Variants in MPC2 observed in about 807,000 individuals in gnomAD.
MPC2 encodes the protein mitochondrial pyruvate carrier 2.
Under a neutral mutation model 19.2 loss-of-function variants are expected in MPC2, and 19 were observed. The observed-to-expected ratio is 0.99, with a 90% confidence interval of 0.69 to 1.45. MPC2 has a LOEUF of 1.45. Among genes scored for constraint, MPC2 ranks in the 40% most tolerant of loss-of-function variants. The pLI is 0.00. For synonymous variants in MPC2, 61 were observed against 54.3 expected, an observed-to-expected ratio of 1.12 and a Z score of -0.54; for missense variants, 122 against 153.0, an observed-to-expected ratio of 0.80 and a Z score of 1.07.
At chr1:167,927,152 G>T (rs1670783553) in intron 2 of MPC2, among the ~76,000 whole-genome samples, 1 of 152,160 alleles carries the variant, frequency 6.6e-6, no homozygotes, top group Non-Finnish European at 1.5e-5. Context: ...ACCCAGATTT[G>T]CCTCGACACT....
Position 167,918,238 on chromosome 1 carries a change from G to T in MPC2, c.*85C>A. 1 of 1,111,396 alleles carries T rather than the reference G, an allele frequency of 9.0e-7. No individual in the cohort carries two copies. Among genetic ancestry groups the T allele is most frequent in the Non-Finnish European group, 1.3e-6 (1 of 766,752 alleles). 68.8% of individuals were successfully genotyped at this position (1,111,396 alleles called of 1,614,324 possible). ...ACAGTGCCTTCTAAACACACAGTTA[G>T]CTTTGCTTTATCAATAACCAAATAA... On this transcript the variant is annotated 3_prime_UTR_variant, in exon 6 of 6. Transcript: ENST00000271373.
chr1:167,918,315 G>A lies in MPC2; in HGVS notation c.*8C>T. The A allele has an allele frequency of 6.4e-7, 1 of 1,564,432 alleles. No individual in the cohort carries two copies. The highest frequency in any genetic ancestry group is 1.7e-5 in the Admixed American group (1 of 57,864). On this transcript the variant is annotated 3_prime_UTR_variant, in exon 6 of 6. Coordinates refer to ENST00000271373, the MANE Select transcript of MPC2 (RefSeq NM_001143674.4). ...ACATCTAGATTGTTCAGGTGATCAG[G>A]AACTCTTTTATTTGTGTGCTTTAGC...
chr1:167,933,567 T>C (rs556775116), intron 2 of MPC2, among the ~76,000 whole-genome samples: 66 of 152,364 alleles, frequency 4.3e-4, no homozygotes, highest in African/African-American at 1.1e-3. Context: ...ACTGTTAATA[T>C]TGTAGCATTT....
rs1345911882 is a variant in MPC2 at position 167,920,063 on chromosome 1, A to T, written c.263T>A (p.Val88Glu). ...CAGACTCCAATTTTTTGGAATAATTACAAGTGAGTATCTTGACCAAATAAA... is the reference window on the plus strand; with the variant it reads ...CAGACTCCAATTTTTTGGAATAATTTCAAGTGAGTATCTTGACCAAATAAA... ...TGFIWSRYSL[V>E]IIPKNWSLFA... The change falls in exon 5 of 6, where the codon GTA (valine) becomes GAA (glutamate). Residue 88 changes from valine to glutamate, a missense_variant. Physicochemically the swap from Val to Glu is moderately radical, Grantham distance 121. Transcript: ENST00000271373. 6.2e-7 allele frequency: 1 copy of T among 1,613,228 alleles called. No individual in the cohort carries two copies. Among genetic ancestry groups the T allele is most frequent in the Non-Finnish European group, 8.5e-7 (1 of 1,179,566 alleles).
In MPC2 at chr1:167,917,168, AATAG is replaced by A. The variant is rs1441655101; in HGVS notation, c.*1151_*1154del. 9 of 152,174 alleles carry A rather than the reference AATAG, an allele frequency of 5.9e-5. No homozygotes were observed. Among genetic ancestry groups the A allele is most frequent in the Admixed American group, 3.9e-4 (6 of 15,290 alleles). The allele number at this position is 152,174 out of a possible 1,614,324, so 9.4% of individuals were successfully genotyped here. On this transcript the variant is annotated 3_prime_UTR_variant, in exon 6 of 6. Coordinates refer to ENST00000271373, the MANE Select transcript of MPC2 (RefSeq NM_001143674.4). ...GCACTCCACACTGAAAGTCAAATCA[AATAG>A]ATAGTTAATTATTTGTAGCGTGGAG...
intron 5 of MPC2, 136 bp from the exon 6 acceptor site, chr1:167,918,495 G>A (rs572663249): frequency 1.6e-4 from 83 of 506,628 alleles, no homozygotes; most frequent in Middle Eastern, 1.1e-3. Flanking sequence ...GAATCTTCCC[G>A]GAGGGCTTAC....
chr1:167,929,531 A>G (rs896050862), intron 2 of MPC2, among the ~76,000 whole-genome samples: 17 of 152,236 alleles, frequency 1.1e-4, no homozygotes, highest in South Asian at 6.2e-4. Flanking sequence ...TGAATATCAT[A>G]AGCAAATAAT....
Position 167,920,029 on chromosome 1 carries a change from A to T in MPC2, c.297T>A (p.Val99=). ...IIPKNWSLFA[V]NFFVGAAGAS... ...CTCCTGCTGCCCCCACAAAGAAATT[A>T]ACAGCAAACAGACTCCAATTTTTTG... Residue 99 remains valine, a synonymous_variant, in exon 5 of 6, where the codon GTT becomes GTA. Transcript: ENST00000271373. 6.2e-7 allele frequency: 1 copy of T among 1,613,854 alleles called. No individual in the cohort carries two copies. Among genetic ancestry groups the T allele is most frequent in the Non-Finnish European group, 8.5e-7 (1 of 1,179,850 alleles).
At position 167,918,232 on chromosome 1, in the gene MPC2, C is replaced by G; in HGVS notation, c.*91G>C. ...CCAGTTACAGTGCCTTCTAAACACACAGTTAGCTTTGCTTTATCAATAACC... is the reference window on the plus strand; with the variant it reads ...CCAGTTACAGTGCCTTCTAAACACAGAGTTAGCTTTGCTTTATCAATAACC... On this transcript the variant is annotated 3_prime_UTR_variant, in exon 6 of 6. Coordinates refer to ENST00000271373, the MANE Select transcript of MPC2 (RefSeq NM_001143674.4). The G allele has an allele frequency of 9.6e-7, 1 of 1,043,176 alleles. No individual in the cohort carries two copies. Among genetic ancestry groups the G allele is most frequent in the Non-Finnish European group, 1.4e-6 (1 of 708,972 alleles). The allele number at this position is 1,043,176 out of a possible 1,614,324, so 64.6% of individuals were successfully genotyped here.
intron 2 of MPC2, among the ~76,000 whole-genome samples, chr1:167,932,031 A>G (rs1374741745): frequency 6.6e-6 from 1 of 152,212 alleles, no homozygotes; most frequent in Non-Finnish European, 1.5e-5. Flanking sequence ...AAGCACTGCA[A>G]CAAGTTTCAC....
intron 1 of MPC2, 54 bp downstream of exon 1, chr1:167,936,885 C>G (rs772847109): frequency 4.7e-6 from 7 of 1,495,362 alleles, no homozygotes; most frequent in Non-Finnish European, 3.7e-6. Flanking sequence ...GCGGTGGTCT[C>G]CCCTCCCACC....
chr1:167,925,460 T>TATATATATATATACATATAC (rs1262364267), intron 2 of MPC2, among the ~76,000 whole-genome samples: 1 of 115,276 alleles, frequency 8.7e-6, no homozygotes, highest in Non-Finnish European at 1.7e-5. Context: ...TATATATATA[T>TATATATATATATACATATAC]ATATATATAT....
intron 1 of MPC2, 127 bp from the exon 2 acceptor site, chr1:167,936,025 G>T: frequency 1.6e-6 from 1 of 607,608 alleles, no homozygotes. Context: ...CGCGCCCCGC[G>T]AAGGTTGAGG....
intron 4 of MPC2, 104 bp from the exon 5 acceptor site, chr1:167,920,194 G>A (rs553343873): frequency 9.8e-5 from 72 of 734,462 alleles, no homozygotes; most frequent in Non-Finnish European, 1.5e-4. Flanking sequence ...TGTAGGATGA[G>A]GGACAAAGAA....
intron 2 of MPC2, among the ~76,000 whole-genome samples, chr1:167,932,916 G>T (rs1670951549): frequency 2.0e-5 from 3 of 152,100 alleles, no homozygotes. Flanking sequence ...TATGCAACTG[G>T]CTAGGGTGGA....
chr1:167,924,848 T>C (rs1414305763), intron 2 of MPC2, among the ~76,000 whole-genome samples: 1 of 152,160 alleles, frequency 6.6e-6, no homozygotes, highest in Non-Finnish European at 1.5e-5. Flanking sequence ...TTCATACTAG[T>C]TTTACACTCA....
chr1:167,925,534 G>GTT (rs1397078194), intron 2 of MPC2, among the ~76,000 whole-genome samples: 1 of 77,540 alleles, frequency 1.3e-5, no homozygotes, highest in South Asian at 3.8e-4. Flanking sequence ...TTTTTTTTTG[G>GTT]TTTTTTTTTT....
chr1:167,924,581 T>C (rs1043332923), intron 2 of MPC2, 44 bp from the exon 3 acceptor site: 7 of 1,386,846 alleles, frequency 5.0e-6, no homozygotes, highest in Admixed American at 2.8e-5. Flanking sequence ...AAACCAAATA[T>C]ATTATACACG....
chr1:167,932,874 G>C (rs1670950149), intron 2 of MPC2, among the ~76,000 whole-genome samples: 1 of 150,634 alleles, frequency 6.6e-6, no homozygotes, highest in South Asian at 2.1e-4. Context: ...ATAACTTCAA[G>C]ATTATTTCTT....
Sources: gnomAD v4.1 joint callset for allele counts (sites outside exome capture counted in the v4.1 genomes callset) on GRCh38, gnomAD v4.1.1 for gene constraint, MANE v1.5 for transcripts, NCBI Gene and HGNC (gene_info 2026-07-23, HGNC 2026-07-21) for gene names.